Variants in CSMD3 observed in about 807,000 individuals in gnomAD.
CSMD3 encodes the protein CUB and sushi domain-containing protein 3.
CSMD3 carries 177 observed loss-of-function variants against 435.2 expected under a neutral mutation model. That is an observed-to-expected ratio of 0.41 (90% CI 0.36 to 0.46). CSMD3 has a LOEUF of 0.46. Ranked by LOEUF, CSMD3 falls within the 20% of genes least tolerant of loss-of-function variation. The probability of loss-of-function intolerance (pLI) is 0.34; values close to 1 mark genes in which losing one functional copy is unlikely to be tolerated. For synonymous variants in CSMD3, 1,656 were observed against 1,520.5 expected, an observed-to-expected ratio of 1.09 and a Z score of -2.07; for missense variants, 4,265 against 4,504.6, an observed-to-expected ratio of 0.95 and a Z score of 1.52.
At chr8:113,369,967 G>A in intron 1 of CSMD3, among the ~76,000 whole-genome samples, 1 of 151,724 alleles carries the variant, frequency 6.6e-6, no homozygotes, top group East Asian at 1.9e-4. Flanking sequence ...TACATAGGAG[G>A]AATAACTTCA....
intron 13 of CSMD3, among the ~76,000 whole-genome samples, chr8:112,786,936 A>G (rs2078557521): frequency 2.0e-5 from 3 of 152,086 alleles, no homozygotes; most frequent in Admixed American, 1.3e-4. Flanking sequence ...CCCTATGTCC[A>G]TGTGCTCTCG....
At chr8:112,449,621 C>T (rs1816032437) in intron 32 of CSMD3, among the ~76,000 whole-genome samples, 1 of 152,202 alleles carries the variant, frequency 6.6e-6, no homozygotes, top group Non-Finnish European at 1.5e-5. Context: ...TCATGTACAA[C>T]ATTTTGCTAC....
At chr8:112,430,779 T>C (rs1021206444) in intron 32 of CSMD3, among the ~76,000 whole-genome samples, 3 of 152,048 alleles carry the variant, frequency 2.0e-5, no homozygotes, top group African/African-American at 7.2e-5. Context: ...AGATTGATGG[T>C]GCGGACTATA....
intron 1 of CSMD3, among the ~76,000 whole-genome samples, chr8:113,389,700 G>C (rs1301798582): frequency 1.3e-5 from 2 of 151,698 alleles, no homozygotes; most frequent in East Asian, 3.9e-4. Context: ...CTAGCTGTTT[G>C]ATCCTGGAAG....
At chr8:112,711,977 G>A (rs1025302019) in intron 13 of CSMD3, among the ~76,000 whole-genome samples, 23 of 152,220 alleles carry the variant, frequency 1.5e-4, no homozygotes, top group African/African-American at 5.5e-4. Context: ...TAACTATTAA[G>A]CTACTGGCGG....
intron 38 of CSMD3, among the ~76,000 whole-genome samples, chr8:112,360,009 C>G (rs1352639215): frequency 6.6e-6 from 1 of 152,034 alleles, no homozygotes; most frequent in African/African-American, 2.4e-5. Context: ...GTTGATAAGC[C>G]TCACACATCA....
At chr8:113,343,476 G>A (rs1408918600) in intron 1 of CSMD3, among the ~76,000 whole-genome samples, 8 of 152,112 alleles carry the variant, frequency 5.3e-5, no homozygotes, top group Non-Finnish European at 8.8e-5. Context: ...GAACTTAAGG[G>A]ACTTGTAGTC....
intron 1 of CSMD3, among the ~76,000 whole-genome samples, chr8:113,340,566 C>T (rs1410944332): frequency 6.6e-6 from 1 of 152,022 alleles, no homozygotes; most frequent in East Asian, 1.9e-4. Flanking sequence ...TCTATCTGTT[C>T]TATCATTTCT....
chr8:112,531,049 AC>A (rs1825479464), intron 27 of CSMD3, among the ~76,000 whole-genome samples: 1 of 151,698 alleles, frequency 6.6e-6, no homozygotes, highest in Non-Finnish European at 1.5e-5. Context: ...TGCCTATGTC[AC>A]CCCTCCCCTA....
At chr8:112,331,297 G>A (rs969652543) in intron 45 of CSMD3, among the ~76,000 whole-genome samples, 7 of 151,758 alleles carry the variant, frequency 4.6e-5, no homozygotes, top group East Asian at 1.9e-4. Flanking sequence ...AAGAAAATGC[G>A]GTTCTTATTT....
At chr8:112,741,556 G>T (rs1386897486) in intron 13 of CSMD3, among the ~76,000 whole-genome samples, 2 of 151,654 alleles carry the variant, frequency 1.3e-5, no homozygotes, top group East Asian at 3.9e-4. Flanking sequence ...CCGCCCAAAG[G>T]GCCCACCTCC....
chr8:112,589,776 G>T (rs1399138184), intron 22 of CSMD3, among the ~76,000 whole-genome samples: 7 of 152,174 alleles, frequency 4.6e-5, no homozygotes, highest in African/African-American at 1.7e-4. Flanking sequence ...ATATGAAAAC[G>T]TCAACTACAT....
chr8:112,284,392 C>T (rs1783330611), intron 58 of CSMD3, among the ~76,000 whole-genome samples: 1 of 151,630 alleles, frequency 6.6e-6, no homozygotes, highest in Non-Finnish European at 1.5e-5. Context: ...AGTAAAAATA[C>T]CAATAATTTC....
At position 112,263,797 on chromosome 8, in the gene CSMD3, G is replaced by A. The variant is rs200132577; in HGVS notation, c.9704C>T (p.Thr3235Ile). ...MPTCRAVTCP[T>I]PPQISNGRLE... ...CCTTCCATTAGAGATCTGGGGAGGA[G>A]TTGGGCAGGTAACAGCTGCAATTAC... Residue 3235 changes from threonine to isoleucine, a missense_variant, in exon 61 of 71, where the codon ACT becomes ATT. By Grantham distance (89) the Thr-to-Ile change is moderately conservative. Coordinates refer to ENST00000297405, the MANE Select transcript of CSMD3 (RefSeq NM_198123.2). The A allele has an allele frequency of 2.5e-6, 4 of 1,613,766 alleles. No homozygotes were observed. In the Admixed American group the frequency reaches 5.0e-5, roughly 20 times the overall value.
chr8:113,391,842 A>T (rs1275083216), intron 1 of CSMD3, among the ~76,000 whole-genome samples: 1 of 151,976 alleles, frequency 6.6e-6, no homozygotes, highest in African/African-American at 2.4e-5. Flanking sequence ...AAAGAAGAGG[A>T]AGTAAAAAGG....
At chr8:113,091,476 T>C (rs1323541340) in intron 5 of CSMD3, among the ~76,000 whole-genome samples, 2 of 152,054 alleles carry the variant, frequency 1.3e-5, no homozygotes, top group Admixed American at 1.3e-4. Flanking sequence ...GGGCTTTGGA[T>C]TTCTTTATGG....
At chr8:112,405,205 A>AC (rs1831684998) in intron 35 of CSMD3, among the ~76,000 whole-genome samples, 1 of 36,694 alleles carries the variant, frequency 2.7e-5, no homozygotes, top group Non-Finnish European at 5.8e-5. Flanking sequence ...AAAAAAAAAA[A>AC]AAAACCCCCA....
chr8:113,311,991 T>TATTAC (rs1212922028), intron 2 of CSMD3: 1 of 152,164 alleles, frequency 6.6e-6, no homozygotes, highest in Non-Finnish European at 1.5e-5. Flanking sequence ...TATTTGTATA[T>TATTAC]ATTACACCTG....
intron 6 of CSMD3, among the ~76,000 whole-genome samples, chr8:112,996,001 T>C (rs533336698): frequency 2.5e-4 from 38 of 151,690 alleles, no homozygotes; most frequent in Non-Finnish European, 5.0e-4. Flanking sequence ...TTATTTTTTA[T>C]ATATTTACTG....
Sources: gnomAD v4.1 joint callset for allele counts (sites outside exome capture counted in the v4.1 genomes callset) on GRCh38, gnomAD v4.1.1 for gene constraint, MANE v1.5 for transcripts, NCBI Gene and HGNC (gene_info 2026-07-23, HGNC 2026-07-21) for gene names.